Variants in PTPRD observed in about 807,000 individuals in gnomAD.
The protein encoded by PTPRD is protein tyrosine phosphatase receptor type D, also known as receptor-type tyrosine-protein phosphatase delta.
PTPRD carries 34 observed loss-of-function variants against 214.5 expected under a neutral mutation model. That is an observed-to-expected ratio of 0.16 (90% CI 0.12 to 0.21). The LOEUF is 0.21. Among genes scored for constraint, PTPRD ranks in the 10% least tolerant of loss-of-function variants. The pLI, the probability that PTPRD is intolerant of heterozygous loss-of-function variation, is 1.00. For missense variants in PTPRD, 2,545 were observed against 2,398.7 expected (o/e 1.06, Z -1.27); for synonymous variants, 1,128 against 845.7 (o/e 1.33, Z -5.79).
At chr9:9,876,485 G>A (rs1031168374) in intron 5 of PTPRD, among the ~76,000 whole-genome samples, 14 of 149,606 alleles carry the variant, frequency 9.4e-5, no homozygotes, top group African/African-American at 3.4e-4. Flanking sequence ...ATATCACCTC[G>A]AAAAAAAAAC....
intron 2 of PTPRD, among the ~76,000 whole-genome samples, chr9:10,436,943 T>C (rs961343771): frequency 5.3e-5 from 8 of 151,944 alleles, no homozygotes; most frequent in African/African-American, 1.9e-4. Context: ...TCCACTTACA[T>C]GTGCCAACTT....
At chr9:8,983,235 C>T (rs926652184) in intron 11 of PTPRD, among the ~76,000 whole-genome samples, 1 of 151,878 alleles carries the variant, frequency 6.6e-6, no homozygotes, top group East Asian at 1.9e-4. Flanking sequence ...TTCTTTATAT[C>T]ATGAAAATTT....
intron 34 of PTPRD, among the ~76,000 whole-genome samples, chr9:8,445,483 A>T (rs758140075): frequency 1.3e-4 from 20 of 151,962 alleles, no homozygotes; most frequent in African/African-American, 4.1e-4. Context: ...CTGACAGGAT[A>T]TTTTTTTTCA....
intron 11 of PTPRD, among the ~76,000 whole-genome samples, chr9:8,974,102 T>C (rs2099254768): frequency 6.6e-6 from 1 of 152,132 alleles, no homozygotes; most frequent in Non-Finnish European, 1.5e-5. Flanking sequence ...TTTTGGGGAC[T>C]TGTCCATAAA....
At chr9:9,072,298 CA>C (rs2099744937) in intron 10 of PTPRD, among the ~76,000 whole-genome samples, 2 of 151,422 alleles carry the variant, frequency 1.3e-5, no homozygotes, top group African/African-American at 4.8e-5. Flanking sequence ...CACACACACA[CA>C]CACACACACA....
chr9:9,393,088 C>T (rs1443854882), intron 9 of PTPRD, among the ~76,000 whole-genome samples: 1 of 152,090 alleles, frequency 6.6e-6, no homozygotes, highest in Non-Finnish European at 1.5e-5. Context: ...CTTTTTTACC[C>T]AATAAATTGT....
At chr9:9,351,419 A>G (rs2051077990) in intron 9 of PTPRD, among the ~76,000 whole-genome samples, 1 of 152,062 alleles carries the variant, frequency 6.6e-6, no homozygotes. Flanking sequence ...AGCAGAAAGT[A>G]CTTGGGAATG....
At chr9:9,318,999 G>A (rs1964969893) in intron 9 of PTPRD, among the ~76,000 whole-genome samples, 1 of 152,176 alleles carries the variant, frequency 6.6e-6, no homozygotes, top group Non-Finnish European at 1.5e-5. Context: ...ATCATTATAA[G>A]AAACACAAGT....
rs2059205192 is a variant in PTPRD at position 9,845,079 on chromosome 9, T to TG, written c.-367-78229_-367-78228insC. 1.7e-4 allele frequency among the ~76,000 whole-genome samples: 21 copies of TG among 126,582 alleles called. 2 individuals carry two copies. Among genetic ancestry groups the TG allele is most frequent in the Admixed American group, 7.6e-4 (8 of 10,462 alleles). 83.0% of individuals were successfully genotyped at this position (126,582 alleles called of 152,430 possible). Reference sequence around the variant, plus strand: ...AGAGCAATATATATATATATATTGCTCTATATATATAGCTATATATATACT... The same window carrying TG: ...AGAGCAATATATATATATATATTGCTGCTATATATATAGCTATATATATACT... On this transcript the variant is annotated intron_variant, in intron 5 of 45. Coordinates refer to ENST00000381196, the MANE Select transcript of PTPRD (RefSeq NM_002839.4).
At chr9:9,416,300 G>A (rs374370653) in intron 8 of PTPRD, among the ~76,000 whole-genome samples, 1 of 152,160 alleles carries the variant, frequency 6.6e-6, no homozygotes, top group Admixed American at 6.5e-5. Flanking sequence ...ATCTTTCCAT[G>A]CAGTGTTATG....
At chr9:8,779,031 C>T (rs1405907251) in intron 11 of PTPRD, among the ~76,000 whole-genome samples, 3 of 151,974 alleles carry the variant, frequency 2.0e-5, no homozygotes, top group East Asian at 1.9e-4. Context: ...CACTCTGAAA[C>T]GTAAAGCTCA....
intron 11 of PTPRD, among the ~76,000 whole-genome samples, chr9:8,810,307 A>T (rs536360491): frequency 3.2e-4 from 48 of 152,280 alleles, no homozygotes; most frequent in Middle Eastern, 3.4e-3. Flanking sequence ...TGGCTTTGAG[A>T]TGATGTTACC....
intron 10 of PTPRD, among the ~76,000 whole-genome samples, chr9:9,133,401 T>G (rs1374334263): frequency 6.6e-6 from 1 of 152,222 alleles, no homozygotes; most frequent in Non-Finnish European, 1.5e-5. Context: ...CAACATTATC[T>G]TCAAATAAAT....
chr9:9,595,359 AT>A (rs1190474999), intron 7 of PTPRD, among the ~76,000 whole-genome samples: 1 of 146,892 alleles, frequency 6.8e-6, no homozygotes, highest in African/African-American at 2.5e-5. Context: ...CATCATATAT[AT>A]GATGGATAAA....
At chr9:9,345,037 G>A (rs1056558600) in intron 9 of PTPRD, among the ~76,000 whole-genome samples, 25 of 151,994 alleles carry the variant, frequency 1.6e-4, no homozygotes, top group Admixed American at 6.6e-5. Context: ...TTTGAAGTTG[G>A]GAAGTTAAAC....
rs1020746494 is a variant in PTPRD, at chr9:9,758,677, G to C, written c.-326+8133C>G. Among the ~76,000 whole-genome samples the C allele has an allele frequency of 2.6e-5, 4 of 151,946 alleles. No homozygotes were observed. The East Asian group carries it at 7.7e-4, about 29-fold the overall frequency. ...CCCAACCAAGACAGACAGCAGGGAA[G>C]CAGAAAAAGACATGAGAAAGCAAGG... On this transcript the variant is annotated intron_variant, in intron 6 of 45. Coordinates refer to ENST00000381196, the MANE Select transcript of PTPRD (RefSeq NM_002839.4).
intron 3 of PTPRD, among the ~76,000 whole-genome samples, chr9:10,255,604 A>T (rs2093194982): frequency 6.8e-6 from 1 of 148,112 alleles, no homozygotes; most frequent in African/African-American, 2.5e-5. Flanking sequence ...CTTAGGCTAC[A>T]GAAAATGTAT....
intron 10 of PTPRD, among the ~76,000 whole-genome samples, chr9:9,019,319 AGAAAGAAAGAAAGAAAGAAC>A (rs71317395): frequency 0.13 from 14,895 of 113,586 alleles, 1,090 homozygotes; most frequent in Middle Eastern, 0.15. Context: ...AAAGAAAGAA[AGAAAGAAAGAAAGAAAGAAC>A]GAAAGAAAGA....
intron 12 of PTPRD, among the ~76,000 whole-genome samples, chr9:8,665,492 C>G (rs1438014141): frequency 2.6e-5 from 4 of 152,188 alleles, no homozygotes; most frequent in African/African-American, 7.2e-5. Context: ...GAGAGGAGGA[C>G]AGCTTACCTG....
Sources: gnomAD v4.1 joint callset for allele counts (sites outside exome capture counted in the v4.1 genomes callset) on GRCh38, gnomAD v4.1.1 for gene constraint, MANE v1.5 for transcripts, NCBI Gene and HGNC (gene_info 2026-07-23, HGNC 2026-07-21) for gene names.